DOCK10: variants seen among roughly 807,000 people sequenced by gnomAD.
DOCK10 encodes dedicator of cytokinesis 10.
Under a neutral mutation model 280.1 loss-of-function variants are expected in DOCK10, and 145 were observed. The observed-to-expected ratio is 0.52, with a 90% CI of 0.45 to 0.59. The LOEUF is 0.59. Ranked by LOEUF, DOCK10 falls within the 20% of genes least tolerant of loss-of-function variation. The pLI is 0.00. For missense variants in DOCK10, 2,368 were observed against 2,651.7 expected (o/e 0.89, Z 2.35); for synonymous variants, 915 against 942.2 (o/e 0.97, Z 0.53).
Position 224,787,085 on chromosome 2 carries a change from T to G in DOCK10, c.5592A>C (p.Ala1864=), listed in dbSNP as rs923792154. The G allele has an allele frequency of 1.1e-5, 18 of 1,613,928 alleles. No homozygotes were observed. Among genetic ancestry groups the G allele is most frequent in the Middle Eastern group, 1.6e-4 (1 of 6,084 alleles). The part of the protein sequence containing the change: ...YDIHRSYLKV[A]EVVNSEKRLF... ...GCCGCTTCTCCGAATTCACCACCTC[T>G]GCCACTTTCAGATATGACCGATGAA... The change falls in exon 50 of 56, where the codon GCA becomes GCC. Residue 1864 remains alanine (A), a synonymous_variant. Transcript: ENST00000258390.
At chr2:224,998,394 T>TA (rs1405069147) in intron 1 of DOCK10, among the ~76,000 whole-genome samples, 1 of 152,192 alleles carries the variant, frequency 6.6e-6, no homozygotes, top group Non-Finnish European at 1.5e-5. Flanking sequence ...GTATTATTTG[T>TA]ATTCTTCTTG....
chr2:225,004,907 C>T (rs1224514633), intron 1 of DOCK10, among the ~76,000 whole-genome samples: 1 of 152,202 alleles, frequency 6.6e-6, no homozygotes, highest in African/African-American at 2.4e-5. Flanking sequence ...CCCCCAAAGG[C>T]CTTGCTTTAT....
At chr2:225,040,160 G>A (rs1690379694) in intron 1 of DOCK10, among the ~76,000 whole-genome samples, 1 of 152,078 alleles carries the variant, frequency 6.6e-6, no homozygotes, top group African/African-American at 2.4e-5. Flanking sequence ...GTTCAGAAGG[G>A]ATGCTCTACA....
At chr2:224,976,528 T>C (rs1705449913) in intron 1 of DOCK10, among the ~76,000 whole-genome samples, 1 of 152,134 alleles carries the variant, frequency 6.6e-6, no homozygotes, top group Non-Finnish European at 1.5e-5. Flanking sequence ...TAATATTAAG[T>C]GACAGACTTG....
intron 2 of DOCK10, among the ~76,000 whole-genome samples, chr2:224,930,176 C>T (rs1279338645): frequency 7.0e-6 from 1 of 143,482 alleles, no homozygotes; most frequent in Non-Finnish European, 1.5e-5. Context: ...TGCACTTCAG[C>T]CTGGGTGACA....
Position 224,908,412 on chromosome 2 carries a change from C to T in DOCK10, c.333+8283G>A, listed in dbSNP as rs530663966. ...GATGAAGACAGTACATAATCATCAT[C>T]GTTTGTGTGTGTGTGTGTGTGTGTG... On this transcript the variant is annotated intron_variant, in intron 3 of 55. Transcript: ENST00000258390. 6.6e-4 allele frequency among the ~76,000 whole-genome samples: 52 copies of T among 79,294 alleles called. No homozygotes were observed. In the South Asian group the frequency reaches 0.02, roughly 30 times the overall value. The allele number at this position is 79,294 out of a possible 152,430, so 52.0% of individuals were successfully genotyped here.
At chr2:224,850,483 G>A (rs755206611) in intron 18 of DOCK10, among the ~76,000 whole-genome samples, 7 of 152,092 alleles carry the variant, frequency 4.6e-5, no homozygotes, top group East Asian at 1.9e-4. Context: ...CTGGGACAAC[G>A]GTCAGTGTTT....
Position 224,795,002 on chromosome 2 carries a change from G to T in DOCK10, c.5031C>A (p.Asp1677Glu). The T allele has an allele frequency of 6.2e-7, 1 of 1,613,920 alleles. No homozygotes were observed. Among genetic ancestry groups the T allele is most frequent in the Non-Finnish European group, 8.5e-7 (1 of 1,179,852 alleles). ...ACTGGAGATCCACCAGCATCTCGGG[G>T]TCCTTCTCGTGCTCCTTCATCTGAG... The part of the protein sequence containing the change: ...ATAQMKEHEK[D>E]PEMLVDLQYS... Residue 1677 changes from aspartate (D) to glutamate (E), a missense_variant, in exon 45 of 56, where the codon GAC becomes GAA. Asp to Glu is a conservative substitution (Grantham distance 45). This residue lies in a region of DOCK10 where 1,159 missense variants were observed against 1,400.8 expected (regional missense o/e 0.83). Coordinates refer to ENST00000258390, the MANE Select transcript of DOCK10 (RefSeq NM_014689.3).
At chr2:224,808,914 A>G (rs1481003190) in intron 31 of DOCK10, among the ~76,000 whole-genome samples, 1 of 152,066 alleles carries the variant, frequency 6.6e-6, no homozygotes, top group African/African-American at 2.4e-5. Context: ...TGACAACGTG[A>G]TATCTGGGCT....
chr2:224,787,288 T>C lies in DOCK10; in HGVS notation c.5528A>G (p.Gln1843Arg), dbSNP rs771510650. The change falls in exon 49 of 56, where the codon CAA (glutamine) becomes CGA (arginine). Residue 1843 changes from glutamine (Q) to arginine (R), a missense_variant. Gln to Arg is a conservative substitution (Grantham distance 43). Around this residue, in one of 2 missense-constraint regions of DOCK10, gnomAD observed 1,159 missense variants for 1,400.8 expected, o/e 0.83. Transcript: ENST00000258390. ...NKPIIAVFEK[Q>R]RDFKKLSDLY... Reference sequence around the variant, plus strand: ...TGGAATACATACTTTGAAGTCTCGTTGTTTCTCAAAGACAGCAATGATGGG... The same window carrying C: ...TGGAATACATACTTTGAAGTCTCGTCGTTTCTCAAAGACAGCAATGATGGG... The C allele has an allele frequency of 6.2e-7, 1 of 1,613,998 alleles. No individual in the cohort carries two copies. Among genetic ancestry groups the C allele is most frequent in the Admixed American group, 1.7e-5 (1 of 60,028 alleles).
intron 14 of DOCK10, among the ~76,000 whole-genome samples, chr2:224,857,596 C>T (rs1381839719): frequency 6.6e-6 from 1 of 152,058 alleles, no homozygotes; most frequent in Non-Finnish European, 1.5e-5. Context: ...TCATTGGAAC[C>T]AAGAAAAGTT....
chr2:224,784,468 G>T (rs1284729745), intron 50 of DOCK10, among the ~76,000 whole-genome samples: 5 of 152,200 alleles, frequency 3.3e-5, no homozygotes, highest in Non-Finnish European at 5.9e-5. Context: ...GTTTGTGTAT[G>T]TAAGGCTTTC....
intron 3 of DOCK10, among the ~76,000 whole-genome samples, chr2:224,901,512 G>T (rs1700294856): frequency 6.6e-6 from 1 of 152,128 alleles, no homozygotes; most frequent in Non-Finnish European, 1.5e-5. Flanking sequence ...TGCCATCTCT[G>T]CCTGTATGTG....
At chr2:224,921,248 A>G (rs1196118608) in intron 2 of DOCK10, among the ~76,000 whole-genome samples, 2 of 149,396 alleles carry the variant, frequency 1.3e-5, no homozygotes, top group African/African-American at 2.5e-5. Context: ...GTTGCAATGA[A>G]CCAAGATCAT....
intron 1 of DOCK10, among the ~76,000 whole-genome samples, chr2:225,019,917 G>C (rs1369370149): frequency 7.9e-5 from 12 of 152,184 alleles, no homozygotes; most frequent in African/African-American, 2.9e-4. Context: ...TGACAAAGCT[G>C]AACCAACAAG....
intron 1 of DOCK10, among the ~76,000 whole-genome samples, chr2:225,028,379 G>A (rs1410912283): frequency 6.6e-6 from 1 of 152,092 alleles, no homozygotes; most frequent in African/African-American, 2.4e-5. Context: ...GGGGACCTCG[G>A]CCCTACAGTC....
intron 1 of DOCK10, among the ~76,000 whole-genome samples, chr2:224,958,700 T>C (rs183805482): frequency 1.3e-5 from 2 of 152,252 alleles, no homozygotes; most frequent in Admixed American, 6.5e-5. Context: ...GAACTTTTCA[T>C]GGTTACTTTT....
At chr2:224,843,597 A>C (rs1439989607) in intron 22 of DOCK10, among the ~76,000 whole-genome samples, 3 of 152,198 alleles carry the variant, frequency 2.0e-5, no homozygotes, top group Non-Finnish European at 4.4e-5. Context: ...CGATGCCTGG[A>C]TTATTTCATT....
In DOCK10 at chr2:224,789,130, T is replaced by G. The variant is rs1691963890; in HGVS notation, c.5352A>C (p.Thr1784=). 6.2e-7 allele frequency: 1 copy of G among 1,613,718 alleles called. No individual in the cohort carries two copies. The highest frequency in any genetic ancestry group is 8.5e-7 in the Non-Finnish European group (1 of 1,179,782). ...SMGWPAFLSI[T]PNIKEEGAMK... ...TCGCTCCTTCTTCCTTAATGTTTGG[T>G]GTAATGCTCAAAAAAGCTGGCCATC... The change falls in exon 48 of 56, where the codon ACA becomes ACC. Residue 1784 remains threonine, a synonymous_variant. Coordinates refer to ENST00000258390, the MANE Select transcript of DOCK10 (RefSeq NM_014689.3).
Sources: gnomAD v4.1 joint callset for allele counts (sites outside exome capture counted in the v4.1 genomes callset) on GRCh38, gnomAD v4.1.1 for gene constraint, gnomAD v4.1.1 regional missense constraint, MANE v1.5 for transcripts, NCBI Gene and HGNC (gene_info 2026-07-23, HGNC 2026-07-21) for gene names.